The following ETS1 variants were observed in gnomAD, a reference collection of about 807,000 sequenced individuals.
The protein encoded by ETS1 is ETS proto-oncogene 1, transcription factor.
Under a neutral mutation model 58.6 loss-of-function variants are expected in ETS1, and 15 were observed. The observed-to-expected ratio is 0.26, with a 90% CI of 0.17 to 0.39. The LOEUF (loss-of-function observed/expected upper bound fraction) is 0.39, where lower values mean the gene tolerates loss of function less well. Ranked by LOEUF, ETS1 falls within the 10% of genes least tolerant of loss-of-function variation. ETS1 has a pLI of 1.00. For missense variants in ETS1, 417 were observed against 610.5 expected (o/e 0.68, Z 3.34); for synonymous variants, 214 against 218.2 (o/e 0.98, Z 0.17).
intron 2 of ETS1, among the ~76,000 whole-genome samples, chr11:128,571,032 T>TA (rs988794245): frequency 1.3e-5 from 2 of 152,180 alleles, no homozygotes; most frequent in African/African-American, 4.8e-5. Context: ...AAAAATGTGG[T>TA]AAAAACAGCT....
intron 7 of ETS1, 137 bp from the exon 8 acceptor site, chr11:128,480,588 G>T: frequency 1.6e-6 from 1 of 643,420 alleles, no homozygotes; most frequent in Non-Finnish European, 2.7e-6. Context: ...AGAGGCGAGT[G>T]GGAACAGAAG....
intron 8 of ETS1, among the ~76,000 whole-genome samples, chr11:128,471,509 CTCTG>C (rs1472455181): frequency 3.3e-5 from 5 of 152,370 alleles, no homozygotes; most frequent in African/African-American, 1.2e-4. Context: ...CCATCAGTAA[CTCTG>C]TCTAACACAT....
At chr11:128,564,068 A>AG (rs11464496) in intron 2 of ETS1, among the ~76,000 whole-genome samples, 132,317 of 152,066 alleles carry the variant, frequency 0.87, 57,703 homozygotes, top group African/African-American at 0.91. Context: ...TTTTGGTCAG[A>AG]GGTATTTGGC....
chr11:128,540,614 T>C (rs1864042497), intron 3 of ETS1, among the ~76,000 whole-genome samples: 1 of 152,180 alleles, frequency 6.6e-6, no homozygotes. Context: ...TCACCAAAGT[T>C]CAGTGGAAAA....
At chr11:128,493,412 C>A (rs1406089450) in intron 3 of ETS1, among the ~76,000 whole-genome samples, 2 of 152,222 alleles carry the variant, frequency 1.3e-5, no homozygotes. Flanking sequence ...AGGAAAGCAG[C>A]TAGAATTACT....
chr11:128,489,249 C>A, intron 5 of ETS1, 41 bp downstream of exon 5: 2 of 1,577,632 alleles, frequency 1.3e-6, no homozygotes, highest in Non-Finnish European at 1.7e-6. Context: ...CTCACAGCAA[C>A]CCCACATAAC....
chr11:128,523,077 T>C (rs1863732400), intron 3 of ETS1, among the ~76,000 whole-genome samples: 1 of 152,246 alleles, frequency 6.6e-6, no homozygotes, highest in African/African-American at 2.4e-5. Context: ...TTTCTAATTA[T>C]TCTGTTCCTC....
At position 128,585,186 on chromosome 11, in the gene ETS1, G is replaced by GA. The variant is rs1244045675; in HGVS notation, c.-15+2301dup. Among the ~76,000 whole-genome samples the GA allele has an allele frequency of 1.5e-4, 3 of 19,564 alleles. 1 individual carries two copies. The highest frequency in any genetic ancestry group is 9.8e-4 in the African/African-American group (3 of 3,058). The allele number at this position is 19,564 out of a possible 152,430, so 12.8% of individuals were successfully genotyped here. On this transcript the variant is annotated intron_variant, in intron 1 of 9. Coordinates refer to ENST00000392668, the MANE Select transcript of ETS1 (RefSeq NM_001143820.2). ...AAAGAAAGAGAAAGAAAGAAAGAAAGAAGGAAGGAAAGAAAGAAAGAAAGA... is the reference window on the plus strand; with the variant it reads ...AAAGAAAGAGAAAGAAAGAAAGAAAGAAAGGAAGGAAAGAAAGAAAGAAAGA...
At chr11:128,531,175 G>A (rs1348893323) in intron 3 of ETS1, among the ~76,000 whole-genome samples, 1 of 152,230 alleles carries the variant, frequency 6.6e-6, no homozygotes, top group Non-Finnish European at 1.5e-5. Flanking sequence ...AAGCTTGGCA[G>A]TAAATAGACG....
intron 8 of ETS1, 90 bp downstream of exon 8, chr11:128,480,101 G>T: frequency 6.5e-7 from 1 of 1,531,974 alleles, no homozygotes; most frequent in Non-Finnish European, 8.8e-7. Context: ...GTCTCTCGTC[G>T]TCTCTGGTCA....
At chr11:128,510,198 C>A (rs551566678) in intron 3 of ETS1, among the ~76,000 whole-genome samples, 1 of 152,222 alleles carries the variant, frequency 6.6e-6, no homozygotes, top group Non-Finnish European at 1.5e-5. Flanking sequence ...CGTATCATAT[C>A]TCCCACTAAT....
chr11:128,487,341 T>C (rs1363705856), intron 5 of ETS1, among the ~76,000 whole-genome samples: 1 of 152,220 alleles, frequency 6.6e-6, no homozygotes, highest in Non-Finnish European at 1.5e-5. Context: ...ACATTATTCC[T>C]TTACCCTAAG....
At chr11:128,572,930 T>C (rs1864665743) in intron 2 of ETS1, 132 bp downstream of exon 2, 1 of 650,634 alleles carries the variant, frequency 1.5e-6, no homozygotes, top group Non-Finnish European at 2.7e-6. Flanking sequence ...CTCCAAAAGA[T>C]TCAAAGCTGA....
rs999785376 is a variant in ETS1, at chr11:128,535,143, C to T, written c.214+21148G>A. On this transcript the variant is annotated intron_variant, in intron 3 of 9. Coordinates refer to ENST00000392668, the MANE Select transcript of ETS1 (RefSeq NM_001143820.2). ...TTCTGACTGGCATGAGATGGTATCTCATTGTGGTTTTGATTTGCATTTATC... is the reference window on the plus strand; with the variant it reads ...TTCTGACTGGCATGAGATGGTATCTTATTGTGGTTTTGATTTGCATTTATC... Among the ~76,000 whole-genome samples the T allele has an allele frequency of 7.9e-5, 12 of 152,286 alleles. No homozygotes were observed. The South Asian group carries it at 1.2e-3, about 16-fold the overall frequency.
At chr11:128,551,357 C>A (rs1864226605) in intron 3 of ETS1, among the ~76,000 whole-genome samples, 1 of 152,210 alleles carries the variant, frequency 6.6e-6, no homozygotes, top group East Asian at 1.9e-4. Flanking sequence ...CAGGTTTGAT[C>A]TCTCCCAGCC....
rs34834119 is a variant in ETS1, at chr11:128,463,121, CAT to C, written c.1242+386_1242+387del. Among the ~76,000 whole-genome samples the C allele has an allele frequency of 0.25, 38,264 of 151,974 alleles. 5,093 individuals are homozygous for C. Among genetic ancestry groups the C allele is most frequent in the African/African-American group, 0.27 (11,168 of 41,448 alleles). Reference sequence around the variant, plus strand: ...TGGCACGGAACCACTACTCCATAAACATGTGTGTAATGAAATAAGAAACTAAT... The same window carrying C: ...TGGCACGGAACCACTACTCCATAAACGTGTGTAATGAAATAAGAAACTAAT... On this transcript the variant is annotated intron_variant, in intron 9 of 9. Transcript: ENST00000392668. This position sits in a 1 kb window ranked among gnomAD's most constrained non-coding sequence, Gnocchi z 4.1.
chr11:128,463,473 C>T lies in ETS1; in HGVS notation c.1242+36G>A, dbSNP rs1565363068. 8.4e-7 allele frequency: 1 copy of T among 1,191,288 alleles called. No individual in the cohort carries two copies. The highest frequency in any genetic ancestry group is 2.3e-5 in the East Asian group (1 of 42,872). The allele number at this position is 1,191,288 out of a possible 1,614,324, so 73.8% of individuals were successfully genotyped here. ...CTTCCAGGAGTTTTCTCTCATCCTT[C>T]CTCAACACAGTACTCGCAAGCCCCT... is the stretch of plus-strand genomic sequence containing the variant. On this transcript the variant is annotated intron_variant, in intron 9 of 9. Coordinates refer to ENST00000392668, the MANE Select transcript of ETS1 (RefSeq NM_001143820.2). This position sits in a 1 kb window ranked among gnomAD's most constrained non-coding sequence, Gnocchi z 4.1.
At chr11:128,551,006 T>C (rs1864219856) in intron 3 of ETS1, among the ~76,000 whole-genome samples, 1 of 152,162 alleles carries the variant, frequency 6.6e-6, no homozygotes, top group Admixed American at 6.5e-5. Context: ...AGTCCAATAT[T>C]GTAATCGTCC....
chr11:128,547,967 T>C (rs923787466), intron 3 of ETS1, among the ~76,000 whole-genome samples: 2 of 152,048 alleles, frequency 1.3e-5, no homozygotes. Context: ...ATTTCATGTT[T>C]GACTGATGAC....
Sources: allele counts gnomAD v4.1 joint callset (sites outside exome capture counted in the v4.1 genomes callset), GRCh38; gene constraint gnomAD v4.1.1; non-coding constraint Gnocchi (gnomAD v3.1); transcripts MANE v1.5; gene names NCBI Gene and HGNC (gene_info 2026-07-23, HGNC 2026-07-21).